WDFY1: variants seen among roughly 807,000 people sequenced by gnomAD.
WDFY1 encodes WD repeat and FYVE domain-containing protein 1.
A neutral mutation model predicts 56.4 loss-of-function variants in WDFY1; 32 were observed. That is an observed-to-expected ratio of 0.57 (90% CI 0.43 to 0.76). WDFY1 has a LOEUF of 0.76. Among genes scored for constraint, WDFY1 ranks in the 30% least tolerant of loss-of-function variants. The probability of loss-of-function intolerance (pLI) is 0.00; values close to 1 mark genes in which losing one functional copy is unlikely to be tolerated. For synonymous variants in WDFY1, 192 were observed against 197.3 expected (o/e 0.97, Z 0.23); for missense variants, 480 against 545.7 (o/e 0.88, Z 1.20).
chr2:223,881,226 C>T (rs1233953995), intron 10 of WDFY1, among the ~76,000 whole-genome samples: 1 of 152,150 alleles, frequency 6.6e-6, no homozygotes, highest in Non-Finnish European at 1.5e-5. Flanking sequence ...AGAGTTTTCC[C>T]AGTAAATTTA....
At chr2:223,884,853 T>TTTA in intron 8 of WDFY1, 104 bp from the exon 9 acceptor site, 23 of 600,504 alleles carry the variant, frequency 3.8e-5, no homozygotes, top group Non-Finnish European at 5.3e-5. Flanking sequence ...TAGTATTTCT[T>TTTA]TTCTTCTTTT....
intron 8 of WDFY1, 147 bp from the exon 9 acceptor site, chr2:223,884,896 A>G: frequency 1.5e-6 from 1 of 648,968 alleles, no homozygotes; most frequent in Non-Finnish European, 2.6e-6. Context: ...GCTGGAGTGC[A>G]GTATGTGTGA....
intron 1 of WDFY1, among the ~76,000 whole-genome samples, chr2:223,920,128 A>G (rs1693864650): frequency 6.6e-6 from 1 of 152,250 alleles, no homozygotes; most frequent in African/African-American, 2.4e-5. Context: ...CACAAAATCA[A>G]ACTTGAAGAA....
intron 8 of WDFY1, among the ~76,000 whole-genome samples, chr2:223,887,417 C>A (rs894550759): frequency 6.6e-6 from 1 of 152,268 alleles, no homozygotes; most frequent in Middle Eastern, 3.4e-3. Context: ...GCTTTAAGGA[C>A]GACACAATGA....
chr2:223,938,369 G>A (rs1689239205), intron 1 of WDFY1, among the ~76,000 whole-genome samples: 1 of 152,102 alleles, frequency 6.6e-6, no homozygotes. Context: ...TTTTGGTGCA[G>A]TCCACAGCAA....
At chr2:223,914,755 T>A (rs953821741) in intron 2 of WDFY1, among the ~76,000 whole-genome samples, 1 of 152,224 alleles carries the variant, frequency 6.6e-6, no homozygotes, top group African/African-American at 2.4e-5. Flanking sequence ...CTGCCTTGCA[T>A]AGCTGTTGTG....
At chr2:223,881,434 G>A (rs567587086) in intron 10 of WDFY1, among the ~76,000 whole-genome samples, 2 of 152,234 alleles carry the variant, frequency 1.3e-5, no homozygotes, top group African/African-American at 4.8e-5. Flanking sequence ...CAGTCAGAGG[G>A]GCAACTTAAG....
intron 1 of WDFY1, among the ~76,000 whole-genome samples, chr2:223,943,596 G>A (rs1530085): frequency 0.34 from 51,038 of 152,064 alleles, 9,699 homozygotes; most frequent in Non-Finnish European, 0.43. Context: ...TGGACTTGTG[G>A]ACTATCCCTA....
chr2:223,905,609 G>A (rs754154226), intron 4 of WDFY1, among the ~76,000 whole-genome samples: 2 of 151,916 alleles, frequency 1.3e-5, no homozygotes, highest in Non-Finnish European at 2.9e-5. Context: ...CACACAATGT[G>A]TATACACATA....
chr2:223,929,654 A>T (rs996566576), intron 1 of WDFY1, among the ~76,000 whole-genome samples: 3 of 152,318 alleles, frequency 2.0e-5, no homozygotes, highest in Admixed American at 6.5e-5. Flanking sequence ...AAAAAAATTT[A>T]AAAAAATAAA....
chr2:223,900,227 C>G (rs1693482239), intron 5 of WDFY1, among the ~76,000 whole-genome samples: 1 of 152,138 alleles, frequency 6.6e-6, no homozygotes, highest in African/African-American at 2.4e-5. Flanking sequence ...TTCTACAAAT[C>G]CATTTTGAGA....
Position 223,877,510 on chromosome 2 carries a change from C to T in WDFY1, c.*1161G>A, listed in dbSNP as rs1692991332. On this transcript the variant is annotated 3_prime_UTR_variant, in exon 12 of 12. Coordinates refer to ENST00000233055, the MANE Select transcript of WDFY1 (RefSeq NM_020830.5). The stretch of plus-strand genomic sequence containing the variant: ...GCTCCTCATTTCTTCTCTTCCTCAT[C>T]CTGGTACACAGTGCCCAAAAGCTTT... The T allele has an allele frequency of 6.6e-6, 1 of 152,192 alleles. No individual in the cohort carries two copies. Among genetic ancestry groups the T allele is most frequent in the Non-Finnish European group, 1.5e-5 (1 of 68,044 alleles). The allele number at this position is 152,192 out of a possible 1,614,324, so 9.4% of individuals were successfully genotyped here.
At chr2:223,904,276 G>T (rs650137) in intron 4 of WDFY1, among the ~76,000 whole-genome samples, 35 of 151,986 alleles carry the variant, frequency 2.3e-4, no homozygotes, top group African/African-American at 7.5e-4. Context: ...TTTTGAGAAG[G>T]AGTCTCGCTC....
intron 1 of WDFY1, among the ~76,000 whole-genome samples, chr2:223,923,251 C>T (rs923374517): frequency 1.3e-4 from 20 of 152,180 alleles, no homozygotes; most frequent in African/African-American, 4.8e-4. Context: ...ACCTATTAAA[C>T]AGAGATGCTC....
chr2:223,905,518 C>T (rs915469599), intron 4 of WDFY1, among the ~76,000 whole-genome samples: 1 of 151,972 alleles, frequency 6.6e-6, no homozygotes, highest in Admixed American at 6.6e-5. Flanking sequence ...AAAATAGAAA[C>T]AATGAATTAT....
At chr2:223,892,531 T>C (rs1159527693) in intron 8 of WDFY1, among the ~76,000 whole-genome samples, 1 of 152,206 alleles carries the variant, frequency 6.6e-6, no homozygotes, top group African/African-American at 2.4e-5. Flanking sequence ...GGCAAGTATC[T>C]TTGTGTACAG....
intron 2 of WDFY1, among the ~76,000 whole-genome samples, chr2:223,913,914 G>C (rs1693745293): frequency 6.7e-6 from 1 of 148,304 alleles, no homozygotes; most frequent in South Asian, 2.1e-4. Flanking sequence ...TTCTAACTGA[G>C]ATAAGCAATA....
At chr2:223,896,175 A>AAAAAAAAC (rs1693371785) in intron 6 of WDFY1, among the ~76,000 whole-genome samples, 5 of 147,300 alleles carry the variant, frequency 3.4e-5, no homozygotes, top group African/African-American at 1.0e-4. Flanking sequence ...AAAAAAAAAA[A>AAAAAAAAC]AAAAAAAACT....
At chr2:223,882,098 A>AACAGGGTGTT (rs1193292607) in intron 9 of WDFY1, 26 bp from the exon 10 acceptor site, 1 of 1,607,400 alleles carries the variant, frequency 6.2e-7, no homozygotes, top group East Asian at 2.2e-5. Context: ...GGAGGAGGAA[A>AACAGGGTGTT]ACAGGGTGTT....
Sources: allele counts gnomAD v4.1 joint callset (sites outside exome capture counted in the v4.1 genomes callset), GRCh38; gene constraint gnomAD v4.1.1; transcripts MANE v1.5; gene names NCBI Gene and HGNC (gene_info 2026-07-23, HGNC 2026-07-21).